The following GRIK2 variants were observed in gnomAD, a reference collection of about 807,000 sequenced individuals.
The protein encoded by GRIK2 is glutamate ionotropic receptor kainate type subunit 2.
A neutral mutation model predicts 100.3 loss-of-function variants in GRIK2; 32 were observed. The observed-to-expected ratio is 0.32, with a 90% CI of 0.24 to 0.43. GRIK2 has a LOEUF of 0.43. Ranked by LOEUF, GRIK2 falls within the 20% of genes least tolerant of loss-of-function variation. The pLI is 1.00. For synonymous variants in GRIK2, 417 were observed against 389.4 expected, an observed-to-expected ratio of 1.07 and a Z score of -0.83; for missense variants, 843 against 1,114.9, an observed-to-expected ratio of 0.76 and a Z score of 3.47.
rs776621951 is a variant in GRIK2 at position 102,035,499 on chromosome 6, G to A, written c.2244G>A (p.Arg748=). ...CAACCATCGAGTTTGTTACCCAGCGGAACTGTAACCTGACACAGATTGGCG... is the reference window on the plus strand; with the variant it reads ...CAACCATCGAGTTTGTTACCCAGCGAAACTGTAACCTGACACAGATTGGCG... ...ESTTIEFVTQ[R]NCNLTQIGGL... is the part of the protein sequence containing the mutation. The change falls in exon 15 of 17, where the codon CGG becomes CGA. Residue 748 remains arginine (R), a synonymous_variant. Transcript: ENST00000369134. 6.2e-7 allele frequency: 1 copy of A among 1,610,094 alleles called. No homozygotes were observed. The highest frequency in any genetic ancestry group is 8.5e-7 in the Non-Finnish European group (1 of 1,177,302).
At position 101,775,718 on chromosome 6, in the gene GRIK2, C is replaced by G. The variant is rs115204634; in HGVS notation, c.952-23930C>G. 9.6e-3 allele frequency among the ~76,000 whole-genome samples: 1,452 copies of G among 150,816 alleles called. 33 individuals carry two copies. The highest frequency in any genetic ancestry group is 0.033 in the African/African-American group (1,339 of 41,040). On this transcript the variant is annotated intron_variant, in intron 7 of 16. Coordinates refer to ENST00000369134, the MANE Select transcript of GRIK2 (RefSeq NM_021956.5). Reference sequence around the variant, plus strand: ...GAGGTAATACATTCTAGCTGTATGGCAAAGTGTGAAGATACAGATTTCTTC... The same window carrying G: ...GAGGTAATACATTCTAGCTGTATGGGAAAGTGTGAAGATACAGATTTCTTC...
At chr6:101,556,711 A>T (rs1582709028) in intron 2 of GRIK2, among the ~76,000 whole-genome samples, 4 of 152,234 alleles carry the variant, frequency 2.6e-5, no homozygotes, top group Admixed American at 2.6e-4. Flanking sequence ...TGTTATTCGC[A>T]TTGCACAAAA....
At chr6:101,430,898 A>T in intron 2 of GRIK2, 1 of 343,692 alleles carries the variant, frequency 2.9e-6, no homozygotes, top group Non-Finnish European at 6.0e-6. Flanking sequence ...AGCTGTAGCC[A>T]CACTATGTGA....
At chr6:101,572,812 TTTA>T (rs1220434606) in intron 2 of GRIK2, among the ~76,000 whole-genome samples, 12 of 108,308 alleles carry the variant, frequency 1.1e-4, no homozygotes, top group East Asian at 2.4e-4. Flanking sequence ...GTTATTGTTG[TTTA>T]TTATTTATTT....
chr6:101,875,649 T>A (rs1785774877), intron 11 of GRIK2, among the ~76,000 whole-genome samples: 1 of 151,856 alleles, frequency 6.6e-6, no homozygotes, highest in Non-Finnish European at 1.5e-5. Flanking sequence ...ATTGAATGAG[T>A]TTTCTTTTGA....
intron 10 of GRIK2, among the ~76,000 whole-genome samples, chr6:101,822,256 CTTATAA>C (rs1782006194): frequency 6.9e-6 from 1 of 144,750 alleles, no homozygotes; most frequent in Non-Finnish European, 1.5e-5. Context: ...ACACATACAA[CTTATAA>C]TTAAGATATA....
chr6:101,809,677 T>C (rs1562405067), intron 9 of GRIK2, among the ~76,000 whole-genome samples: 1 of 152,030 alleles, frequency 6.6e-6, no homozygotes. Context: ...TGATGTTAAC[T>C]CGTAAACTTT....
intron 7 of GRIK2, among the ~76,000 whole-genome samples, chr6:101,749,823 T>G (rs1441253420): frequency 6.8e-6 from 1 of 146,622 alleles, no homozygotes; most frequent in African/African-American, 2.6e-5. Flanking sequence ...TTTTTTTTTT[T>G]TTTGTGTGAG....
chr6:101,675,476 TAAG>T (rs1770767026), intron 4 of GRIK2, among the ~76,000 whole-genome samples: 1 of 152,116 alleles, frequency 6.6e-6, no homozygotes, highest in African/African-American at 2.4e-5. Context: ...TTTTAAAAGA[TAAG>T]AAGAAAGAGT....
At chr6:101,420,807 T>C (rs1338950366) in intron 2 of GRIK2, among the ~76,000 whole-genome samples, 1 of 152,208 alleles carries the variant, frequency 6.6e-6, no homozygotes, top group Non-Finnish European at 1.5e-5. Flanking sequence ...ATGAAGGTTT[T>C]TTTAGAGGTA....
intron 16 of GRIK2, among the ~76,000 whole-genome samples, chr6:102,057,811 C>T (rs2518154): frequency 0.41 from 62,083 of 151,564 alleles, 12,800 homozygotes; most frequent in Middle Eastern, 0.49. Context: ...TTTATACTCT[C>T]CCTTTTGACT....
intron 7 of GRIK2, among the ~76,000 whole-genome samples, chr6:101,724,276 A>G (rs1316906139): frequency 6.6e-6 from 1 of 151,704 alleles, no homozygotes; most frequent in Non-Finnish European, 1.5e-5. Context: ...TGTGGAGTTT[A>G]CGTTATCCCA....
At chr6:101,787,031 A>G (rs1257436876) in intron 7 of GRIK2, among the ~76,000 whole-genome samples, 1 of 151,850 alleles carries the variant, frequency 6.6e-6, no homozygotes, top group Non-Finnish European at 1.5e-5. Flanking sequence ...ACTTCTTTCT[A>G]ATTCAATGTT....
intron 7 of GRIK2, among the ~76,000 whole-genome samples, chr6:101,751,772 A>G (rs1776804127): frequency 6.6e-6 from 1 of 152,296 alleles, no homozygotes; most frequent in South Asian, 2.1e-4. Flanking sequence ...TTGGTTCTAG[A>G]GGCTTAATCA....
At chr6:101,415,140 T>C (rs1776072301) in intron 2 of GRIK2, among the ~76,000 whole-genome samples, 1 of 152,146 alleles carries the variant, frequency 6.6e-6, no homozygotes, top group Non-Finnish European at 1.5e-5. Flanking sequence ...TTTCTATTAA[T>C]TCTTGTTAAA....
At chr6:101,808,240 C>A (rs1300175667) in intron 9 of GRIK2, among the ~76,000 whole-genome samples, 1 of 151,984 alleles carries the variant, frequency 6.6e-6, no homozygotes, top group Non-Finnish European at 1.5e-5. Context: ...GAGTTCCACA[C>A]AAAATGGGTT....
chr6:101,550,173 A>G (rs1776436799), intron 2 of GRIK2, among the ~76,000 whole-genome samples: 1 of 152,210 alleles, frequency 6.6e-6, no homozygotes, highest in African/African-American at 2.4e-5. Context: ...CTTAATTTTT[A>G]TTTCAATTAG....
intron 2 of GRIK2, among the ~76,000 whole-genome samples, chr6:101,519,256 G>T (rs753392764): frequency 2.0e-5 from 3 of 151,820 alleles, no homozygotes; most frequent in Non-Finnish European, 2.9e-5. Context: ...TTCATGGAGA[G>T]GGTGGAACAT....
chr6:101,485,241 A>T (rs1372045442), intron 2 of GRIK2, among the ~76,000 whole-genome samples: 1 of 152,180 alleles, frequency 6.6e-6, no homozygotes, highest in Admixed American at 6.5e-5. Context: ...TATAGATGAG[A>T]ATATTTAAGT....
Sources: gnomAD v4.1 joint callset for allele counts (sites outside exome capture counted in the v4.1 genomes callset) on GRCh38, gnomAD v4.1.1 for gene constraint, MANE v1.5 for transcripts, NCBI Gene and HGNC (gene_info 2026-07-23, HGNC 2026-07-21) for gene names.